Variants in AKT3 observed in about 807,000 individuals in gnomAD.
AKT3 encodes the protein RAC-gamma serine/threonine-protein kinase.
Under a neutral mutation model 65.3 loss-of-function variants are expected in AKT3, and 15 were observed. The observed-to-expected ratio is 0.23, with a 90% CI of 0.15 to 0.35. The LOEUF (loss-of-function observed/expected upper bound fraction) is 0.35. Ranked by LOEUF, AKT3 falls within the 10% of genes least tolerant of loss-of-function variation. The pLI is 1.00. For synonymous variants in AKT3, 206 were observed against 183.8 expected, an observed-to-expected ratio of 1.12 and a Z score of -0.98; for missense variants, 243 against 576.5, an observed-to-expected ratio of 0.42 and a Z score of 5.92.
chr1:243,536,722 G>A (rs1671963236), intron 12 of AKT3, among the ~76,000 whole-genome samples: 1 of 152,072 alleles, frequency 6.6e-6, no homozygotes, highest in Non-Finnish European at 1.5e-5. Flanking sequence ...AAATAACACT[G>A]GTTTTGACAG....
At chr1:243,515,238 A>C (rs1346686186) in intron 12 of AKT3, among the ~76,000 whole-genome samples, 1 of 152,226 alleles carries the variant, frequency 6.6e-6, no homozygotes, top group South Asian at 2.1e-4. Context: ...TTACAAACAA[A>C]ATTGCTATTA....
In AKT3 at chr1:243,843,186, A is replaced by T. The variant is rs1239966386; in HGVS notation, c.-16T>A. The T allele has an allele frequency of 1.5e-5, 24 of 1,611,356 alleles. No homozygotes were observed. The Admixed American group carries it at 4.0e-4, about 27-fold the overall frequency. ...CATCGCTCATGATGACTCCCCTCTG[A>T]GCCCCCAACTTGGAGAAATGGTACT... On this transcript the variant is annotated 5_prime_UTR_variant, in exon 2 of 14. Coordinates refer to ENST00000673466, the MANE Select transcript of AKT3 (RefSeq NM_005465.7).
chr1:243,597,702 A>G (rs914980126), intron 8 of AKT3, among the ~76,000 whole-genome samples: 2 of 152,144 alleles, frequency 1.3e-5, no homozygotes, highest in African/African-American at 2.4e-5. Flanking sequence ...GGGTCTCCCT[A>G]TGTTGCTCAG....
At chr1:243,509,468 C>T (rs1339353715) in intron 13 of AKT3, among the ~76,000 whole-genome samples, 1 of 152,116 alleles carries the variant, frequency 6.6e-6, no homozygotes, top group Non-Finnish European at 1.5e-5. Context: ...CTTTGAAATT[C>T]AAGTCAATCA....
chr1:243,802,937 C>A (rs1692466205), intron 2 of AKT3, among the ~76,000 whole-genome samples: 1 of 152,124 alleles, frequency 6.6e-6, no homozygotes, highest in Admixed American at 6.5e-5. Flanking sequence ...TCGCTTGAGG[C>A]CAGGAGTTTA....
intron 3 of AKT3, among the ~76,000 whole-genome samples, chr1:243,669,003 C>T (rs1682991532): frequency 6.6e-6 from 1 of 151,896 alleles, no homozygotes; most frequent in African/African-American, 2.4e-5. Flanking sequence ...AAAAAATAAG[C>T]AAAAATATTG....
chr1:243,562,649 G>A (rs1673877414), intron 10 of AKT3, among the ~76,000 whole-genome samples: 1 of 152,042 alleles, frequency 6.6e-6, no homozygotes, highest in Admixed American at 6.6e-5. Flanking sequence ...TCATTATGAG[G>A]AAGTCCAGAC....
At chr1:243,719,232 G>A (rs956978022) in intron 2 of AKT3, among the ~76,000 whole-genome samples, 1 of 152,098 alleles carries the variant, frequency 6.6e-6, no homozygotes, top group Non-Finnish European at 1.5e-5. Flanking sequence ...CCAACTCTCA[G>A]AGACTTTTCT....
chr1:243,653,334 T>C (rs4603115), intron 4 of AKT3, among the ~76,000 whole-genome samples: 83,644 of 152,024 alleles, frequency 0.55, 26,398 homozygotes, highest in Non-Finnish European at 0.71. Flanking sequence ...CAACAAGTTC[T>C]GAAATTCAGG....
chr1:243,770,815 C>T (rs1690134406), intron 2 of AKT3, among the ~76,000 whole-genome samples: 2 of 151,736 alleles, frequency 1.3e-5, no homozygotes, highest in South Asian at 4.2e-4. Flanking sequence ...TTCTCTTCTA[C>T]ATTTCCCACC....
intron 3 of AKT3, among the ~76,000 whole-genome samples, chr1:243,667,929 CT>C (rs1490842694): frequency 6.6e-6 from 1 of 152,168 alleles, no homozygotes; most frequent in African/African-American, 2.4e-5. Flanking sequence ...TCTTTCCCCC[CT>C]CACACACCCG....
chr1:243,655,655 G>A (rs1681720979), intron 4 of AKT3, among the ~76,000 whole-genome samples: 2 of 152,160 alleles, frequency 1.3e-5, no homozygotes, highest in Non-Finnish European at 1.5e-5. Context: ...TTTCAGGACT[G>A]AAATAATTTA....
rs1378232047 is a variant in AKT3 at position 243,699,484 on chromosome 1, T to C, written c.47-3768A>G. Among the ~76,000 whole-genome samples the C allele has an allele frequency of 2.0e-4, 4 of 19,928 alleles. 1 individual carries two copies. The highest frequency in any genetic ancestry group is 3.6e-4 in the African/African-American group (4 of 11,010). 13.1% of individuals were successfully genotyped at this position (19,928 alleles called of 152,430 possible). ...CTTCCACTATATATATATATATATA[T>C]ATATATATATATATATATATATATA... On this transcript the variant is annotated intron_variant, in intron 2 of 13. Coordinates refer to ENST00000673466, the MANE Select transcript of AKT3 (RefSeq NM_005465.7).
chr1:243,505,134 G>T lies in AKT3; in HGVS notation c.*115C>A. The T allele has an allele frequency of 2.2e-6, 2 of 916,208 alleles. No individual in the cohort carries two copies. Among genetic ancestry groups the T allele is most frequent in the Non-Finnish European group, 1.7e-6 (1 of 580,872 alleles). 56.8% of individuals were successfully genotyped at this position (916,208 alleles called of 1,614,324 possible). ...GGCGAGGGGTGAGGACCCTTGGCTGGTCTGGGATGTCGGAAGGTGCCCCTG... is the reference window on the plus strand; with the variant it reads ...GGCGAGGGGTGAGGACCCTTGGCTGTTCTGGGATGTCGGAAGGTGCCCCTG... On this transcript the variant is annotated 3_prime_UTR_variant, in exon 14 of 14. Coordinates refer to ENST00000673466, the MANE Select transcript of AKT3 (RefSeq NM_005465.7).
At chr1:243,711,345 A>G (rs889620278) in intron 2 of AKT3, among the ~76,000 whole-genome samples, 41 of 152,168 alleles carry the variant, frequency 2.7e-4, no homozygotes, top group African/African-American at 9.4e-4. Context: ...AACAAACAAA[A>G]GAACAAAATT....
At position 243,843,340 on chromosome 1, in the gene AKT3, TAACA is replaced by T. The variant is rs1396393419; in HGVS notation, c.-112-62_-112-59del. On this transcript the variant is annotated intron_variant, in intron 1 of 13. Coordinates refer to ENST00000673466, the MANE Select transcript of AKT3 (RefSeq NM_005465.7). Reference sequence around the variant, plus strand: ...TCCATTCTTGCAACTCACAGAGCAATAACAAACAACTAATTCTTTGTAAATGTCT... The same window carrying T: ...TCCATTCTTGCAACTCACAGAGCAATAACAACTAATTCTTTGTAAATGTCT... The T allele has an allele frequency of 8.2e-6, 11 of 1,341,148 alleles. 1 individual carries two copies. In the Admixed American group the frequency reaches 3.3e-4, roughly 41 times the overall value. 83.1% of individuals were successfully genotyped at this position (1,341,148 alleles called of 1,614,324 possible).
At position 243,840,487 on chromosome 1, in the gene AKT3, C is replaced by T. The variant is rs1695173428; in HGVS notation, c.46+2638G>A. On this transcript the variant is annotated intron_variant, in intron 2 of 13. Coordinates refer to ENST00000673466, the MANE Select transcript of AKT3 (RefSeq NM_005465.7). ...ATGTAACAAACCTGCACGTTCTGCA[C>T]ATGTATCCCAGAACTTAAAGTAAAA... 2.0e-5 allele frequency among the ~76,000 whole-genome samples: 3 copies of T among 152,164 alleles called. No homozygotes were observed. In the South Asian group the frequency reaches 6.2e-4, roughly 31 times the overall value.
chr1:243,586,652 G>A (rs778443038), intron 8 of AKT3, among the ~76,000 whole-genome samples: 2 of 152,074 alleles, frequency 1.3e-5, no homozygotes, highest in Non-Finnish European at 2.9e-5. Context: ...GCTTGCTCTT[G>A]CTTATAAGTA....
intron 1 of AKT3, among the ~76,000 whole-genome samples, chr1:243,848,035 TG>T (rs1695591742): frequency 6.6e-6 from 1 of 152,204 alleles, no homozygotes; most frequent in Non-Finnish European, 1.5e-5. Context: ...TTTAAAACGC[TG>T]TAAGAAAACA....
Sources: gnomAD v4.1 joint callset for allele counts (sites outside exome capture counted in the v4.1 genomes callset) on GRCh38, gnomAD v4.1.1 for gene constraint, MANE v1.5 for transcripts, NCBI Gene and HGNC (gene_info 2026-07-23, HGNC 2026-07-21) for gene names.